Variants in HDAC5 observed in about 807,000 individuals in gnomAD.
HDAC5 encodes the protein histone deacetylase 5, also known as antigen NY-CO-9.
Under a neutral mutation model 133.3 loss-of-function variants are expected in HDAC5, and 25 were observed. That is an observed-to-expected ratio of 0.19 (90% CI 0.14 to 0.26). HDAC5 has a LOEUF of 0.26. Ranked by LOEUF, HDAC5 falls within the 10% of genes least tolerant of loss-of-function variation. HDAC5 has a pLI of 1.00. For missense variants in HDAC5, 1,041 were observed against 1,460.5 expected (o/e 0.71, Z 4.68); for synonymous variants, 589 against 610.8 (o/e 0.96, Z 0.53).
rs1206029794 is a variant in HDAC5, at chr17:44,093,414, C to G, written c.426G>C (p.Glu142Asp). Residue 142 changes from glutamate (E) to aspartate (D), a missense_variant, in exon 5 of 27, where the codon GAG becomes GAC. By Grantham distance (45) the Glu-to-Asp change is conservative. Transcript: ENST00000682912. ...GCTGCTGCTCCCGCTGCCGCTGCTG[C>G]TCCAGCTCCTGCTGCCGCTTGGCTG... is the stretch of plus-strand genomic sequence containing the variant. ...MLAAKRQQEL[E>D]QQRQREQQRQ... 3 of 1,599,444 alleles carry G rather than the reference C, an allele frequency of 1.9e-6. No individual in the cohort carries two copies. The highest frequency in any genetic ancestry group is 2.7e-5 in the African/African-American group (2 of 74,818).
chr17:44,103,711 CTTTT>C (rs746802870), intron 3 of HDAC5, among the ~76,000 whole-genome samples: 1 of 141,430 alleles, frequency 7.1e-6, no homozygotes, highest in African/African-American at 2.6e-5. Context: ...ATGGTTTTTT[CTTTT>C]TTTTTTTTTT....
rs139445660 is a variant in HDAC5 at position 44,119,358 on chromosome 17, C to A, written c.-189-1654G>T. On this transcript the variant is annotated intron_variant, in intron 1 of 26. Coordinates refer to ENST00000682912, the MANE Select transcript of HDAC5 (RefSeq NM_005474.5). ...CAGCCTGAGTAGCCCAGTCCATCTC[C>A]ACAGTGAGAGGCACCTCCACAGCAA... 1.8e-4 allele frequency among the ~76,000 whole-genome samples: 27 copies of A among 152,348 alleles called. No individual in the cohort carries two copies. In the East Asian group the frequency reaches 4.2e-3, roughly 24 times the overall value.
Position 44,091,730 on chromosome 17 carries a change from G to T in HDAC5, c.1134C>A (p.Ala378=). 6.3e-7 allele frequency: 1 copy of T among 1,588,052 alleles called. No individual in the cohort carries two copies. The highest frequency in any genetic ancestry group is 1.2e-5 in the South Asian group (1 of 86,928). ...GGTGTGAGTTGGTGACAGTGACCGTGGCCTGCAGCCCTAGGGAGATGTTGG... is the reference window on the plus strand; with the variant it reads ...GGTGTGAGTTGGTGACAGTGACCGTTGCCTGCAGCCCTAGGGAGATGTTGG... ...SLPNISLGLQ[A]TVTVTNSHLT... The change falls in exon 10 of 27, where the codon GCC becomes GCA. Residue 378 remains alanine, a synonymous_variant. Coordinates refer to ENST00000682912, the MANE Select transcript of HDAC5 (RefSeq NM_005474.5).
chr17:44,118,341 C>T (rs1351888245), intron 1 of HDAC5, among the ~76,000 whole-genome samples: 1 of 152,166 alleles, frequency 6.6e-6, no homozygotes, highest in Admixed American at 6.5e-5. Context: ...GGTGCAGGGC[C>T]CAAGCCCAGC....
rs2144190146 is a variant in HDAC5, at chr17:44,079,204, A to G, written c.3018T>C (p.His1006=). The G allele has an allele frequency of 1.2e-6, 2 of 1,613,132 alleles. No individual in the cohort carries two copies. The highest frequency in any genetic ancestry group is 1.7e-6 in the Non-Finnish European group (2 of 1,179,202). ...GRVVLALEGG[H]DLTAICDASE... ...AGGCATCACAGATGGCGGTCAAGTC[A>G]TGGCCTCCCTCCAGGGCCAGCACCA... Residue 1006 remains histidine (H), a synonymous_variant, in exon 24 of 27, where the codon CAT becomes CAC. Coordinates refer to ENST00000682912, the MANE Select transcript of HDAC5 (RefSeq NM_005474.5).
intron 5 of HDAC5, 53 bp from the exon 6 acceptor site, chr17:44,093,259 C>T: frequency 6.3e-7 from 1 of 1,583,130 alleles, no homozygotes; most frequent in Non-Finnish European, 8.6e-7. Flanking sequence ...CCCCCCATGG[C>T]AGGGGCAGGC....
Position 44,087,712 on chromosome 17 carries a change from G to A in HDAC5, c.1600-16C>T, listed in dbSNP as rs747527128. On this transcript the variant is annotated splice_polypyrimidine_tract_variant and intron_variant, in intron 12 of 26. Coordinates refer to ENST00000682912, the MANE Select transcript of HDAC5 (RefSeq NM_005474.5). ...TGGTGAGGATCTGATAACAGAATAT[G>A]GGGGCACATCAGCTGGGAGTTGGGG... The A allele has an allele frequency of 1.0e-5, 16 of 1,557,486 alleles. No homozygotes were observed. The highest frequency in any genetic ancestry group is 1.2e-5 in the Non-Finnish European group (14 of 1,150,256).
rs368189024 is a variant in HDAC5, at chr17:44,110,759, G to A, written c.64C>T (p.Arg22Trp). The A allele has an allele frequency of 5.6e-6, 9 of 1,613,820 alleles. No homozygotes were observed. The highest frequency in any genetic ancestry group is 1.7e-5 in the Admixed American group (1 of 59,980). ...GREPSLEILP[R>W]TSLHSIPVTV... is the part of the protein sequence containing the mutation. ...ACAGGGATGCTGTGCAGAGAAGTCC[G>A]CGGCAGGATTTCCAAGGATGGTTCC... Residue 22 changes from arginine (R) to tryptophan (W), a missense_variant, in exon 3 of 27, where the codon CGG becomes TGG. This residue lies in a region of HDAC5 where 93 missense variants were observed against 98.8 expected (regional missense o/e 0.94). Coordinates refer to ENST00000682912, the MANE Select transcript of HDAC5 (RefSeq NM_005474.5).
chr17:44,102,956 C>T (rs1313148604), intron 3 of HDAC5, among the ~76,000 whole-genome samples: 5 of 152,214 alleles, frequency 3.3e-5, no homozygotes, highest in Admixed American at 6.5e-5. Flanking sequence ...CTTGAGCTAC[C>T]GCCCCCGGCC....
At chr17:44,111,142 AG>A in intron 2 of HDAC5, 2 of 398,206 alleles carry the variant, frequency 5.0e-6, no homozygotes, top group South Asian at 4.6e-5. Context: ...TGGGACAGGA[AG>A]GGGAGCTCAG....
At chr17:44,090,095 C>T (rs957536508) in intron 11 of HDAC5, among the ~76,000 whole-genome samples, 71 of 151,172 alleles carry the variant, frequency 4.7e-4, no homozygotes, top group African/African-American at 3.4e-4. Context: ...TAGCCAGGCG[C>T]GGTGGCAGGC....
In HDAC5 at chr17:44,092,391, G is replaced by T. The variant is rs749010902; in HGVS notation, c.909C>A (p.Ala303=). Residue 303 remains alanine (A), a synonymous_variant, in exon 8 of 27, where the codon GCC becomes GCA. Transcript: ENST00000682912. ...GAGAGCAGCCCTTACCCCCAGGCCCGGCACCTGTGATCTCAACAGCTCTCT... is the reference window on the plus strand; with the variant it reads ...GAGAGCAGCCCTTACCCCCAGGCCCTGCACCTGTGATCTCAACAGCTCTCT... ...FKKRAVEITG[A]GPGASSVCNS... 2 of 1,612,436 alleles carry T rather than the reference G, an allele frequency of 1.2e-6. No homozygotes were observed. Among genetic ancestry groups the T allele is most frequent in the Non-Finnish European group, 1.7e-6 (2 of 1,178,692 alleles).
chr17:44,111,711 AC>A (rs2052359201), intron 2 of HDAC5: 1 of 511,682 alleles, frequency 2.0e-6, no homozygotes, highest in Admixed American at 2.0e-5. Context: ...GTGCCTCCCC[AC>A]CCCTTCAACC....
chr17:44,091,759 G>A lies in HDAC5; in HGVS notation c.1105C>T (p.Leu369=), dbSNP rs766099366. 6 of 1,602,990 alleles carry A rather than the reference G, an allele frequency of 3.7e-6. No individual in the cohort carries two copies. The highest frequency in any genetic ancestry group is 1.3e-5 in the African/African-American group (1 of 74,560). The change falls in exon 10 of 27, where the codon CTG becomes TTG. Residue 369 remains leucine (L), a synonymous_variant. Transcript: ENST00000682912. The part of the protein sequence containing the change: ...NQFSLYTSPS[L]PNISLGLQAT... ...TGCAGCCCTAGGGAGATGTTGGGCA[G>A]AGAAGGAGACGTGTAGAGGCTGAAC...
At chr17:44,096,186 G>C (rs1299540525) in intron 3 of HDAC5, among the ~76,000 whole-genome samples, 1 of 152,206 alleles carries the variant, frequency 6.6e-6, no homozygotes, top group Admixed American at 6.5e-5. Context: ...TGCCTGGGAA[G>C]GCGGAAGTGA....
Position 44,092,824 on chromosome 17 carries a change from T to C in HDAC5, c.642-18A>G. The stretch of plus-strand genomic sequence containing the variant: ...GGGCTCCCCTGGGGTGGGGGGGGGG[T>C]GGGGATGGAAGCAGATCTAGGTTAT... On this transcript the variant is annotated intron_variant, in intron 6 of 26. Transcript: ENST00000682912. The C allele has an allele frequency of 3.4e-6, 1 of 291,852 alleles. No individual in the cohort carries two copies. The allele number at this position is 291,852 out of a possible 1,614,324, so 18.1% of individuals were successfully genotyped here. A position where few individuals can be genotyped will look rare whatever the true frequency, so the allele number is the denominator to read the frequency against.
Position 44,092,776 on chromosome 17 carries a change from A to G in HDAC5, c.672T>C (p.Ser224=). ...CAGGGGGGCCGCTCTGGGGAGGGGA[A>G]CTCTGGTCCAAAGAAGCATGGTGGG... ...WGAHHASLDQ[S]SPPQSGPPGT... The change falls in exon 7 of 27, where the codon AGT becomes AGC. Residue 224 remains serine, a synonymous_variant. Transcript: ENST00000682912. 1 of 1,148,048 alleles carries G rather than the reference A, an allele frequency of 8.7e-7. No homozygotes were observed. Among genetic ancestry groups the G allele is most frequent in the Non-Finnish European group, 1.2e-6 (1 of 864,632 alleles). The allele number at this position is 1,148,048 out of a possible 1,614,324, so 71.1% of individuals were successfully genotyped here.
At chr17:44,115,760 T>C (rs1308939143) in intron 2 of HDAC5, among the ~76,000 whole-genome samples, 1 of 152,126 alleles carries the variant, frequency 6.6e-6, no homozygotes, top group Non-Finnish European at 1.5e-5. Context: ...TTTTTCCTTC[T>C]TTCCCCAACA....
At chr17:44,102,356 A>G (rs2051667178) in intron 3 of HDAC5, among the ~76,000 whole-genome samples, 1 of 152,198 alleles carries the variant, frequency 6.6e-6, no homozygotes, top group African/African-American at 2.4e-5. Flanking sequence ...GACCTTGGGC[A>G]GGTTCCCTTT....
Sources: gnomAD v4.1 joint callset for allele counts (sites outside exome capture counted in the v4.1 genomes callset) on GRCh38, gnomAD v4.1.1 for gene constraint, gnomAD v4.1.1 regional missense constraint, MANE v1.5 for transcripts, NCBI Gene and HGNC (gene_info 2026-07-23, HGNC 2026-07-21) for gene names.